Variants in CNTNAP2 observed in about 807,000 individuals in gnomAD.
CNTNAP2 encodes contactin-associated protein-like 2.
A neutral mutation model predicts 155.2 loss-of-function variants in CNTNAP2; 98 were observed. The observed-to-expected ratio is 0.63, with a 90% CI of 0.54 to 0.75. The LOEUF is 0.75. Among genes scored for constraint, CNTNAP2 ranks in the 30% least tolerant of loss-of-function variants. The pLI, the probability that CNTNAP2 is intolerant of heterozygous loss-of-function variation, is 0.00. For missense variants in CNTNAP2, 1,727 were observed against 1,688.1 expected (o/e 1.02, Z -0.40); for synonymous variants, 651 against 631.2 (o/e 1.03, Z -0.47).
intron 1 of CNTNAP2, among the ~76,000 whole-genome samples, chr7:146,288,147 A>T (rs891411373): frequency 1.3e-5 from 2 of 151,710 alleles, no homozygotes; most frequent in African/African-American, 4.8e-5. Flanking sequence ...AAAATTAAAA[A>T]ATTAGCCAGT....
chr7:147,650,944 T>A (rs1051660790), intron 13 of CNTNAP2, among the ~76,000 whole-genome samples: 1 of 152,214 alleles, frequency 6.6e-6, no homozygotes, highest in African/African-American at 2.4e-5. Context: ...GAATTCATAA[T>A]GACTTCCAAA....
chr7:146,352,275 C>T (rs892600991), intron 1 of CNTNAP2, among the ~76,000 whole-genome samples: 1 of 152,096 alleles, frequency 6.6e-6, no homozygotes, highest in Non-Finnish European at 1.5e-5. Context: ...AAAATAATTA[C>T]ATAAAACAAT....
At chr7:147,374,795 G>A (rs759245695) in intron 9 of CNTNAP2, among the ~76,000 whole-genome samples, 1 of 151,840 alleles carries the variant, frequency 6.6e-6, no homozygotes, top group African/African-American at 2.4e-5. Flanking sequence ...AAATATTTTT[G>A]TCACGTCATT....
chr7:148,177,256 T>C lies in CNTNAP2; in HGVS notation c.3010+4778T>C, dbSNP rs541433171. 4.6e-5 allele frequency among the ~76,000 whole-genome samples: 7 copies of C among 152,220 alleles called. No homozygotes were observed. In the South Asian group the frequency reaches 1.2e-3, roughly 27 times the overall value. ...TGATTATGGTAAGTTGAGGTCATAC[T>C]AGGAGGTTGGCCCTAAATCCAATGA... On this transcript the variant is annotated intron_variant, in intron 18 of 23. Transcript: ENST00000361727.
intron 15 of CNTNAP2, among the ~76,000 whole-genome samples, chr7:147,980,071 T>C (rs982852219): frequency 6.6e-6 from 1 of 152,234 alleles, no homozygotes; most frequent in African/African-American, 2.4e-5. Context: ...GAGGCTGTCA[T>C]TCATCTAGAA....
At chr7:148,241,304 CA>C (rs1047439812) in intron 20 of CNTNAP2, among the ~76,000 whole-genome samples, 1 of 152,112 alleles carries the variant, frequency 6.6e-6, no homozygotes, top group African/African-American at 2.4e-5. Flanking sequence ...TTCTTAAAAG[CA>C]AAAAATAAAA....
At chr7:147,380,878 A>G (rs1330248944) in intron 9 of CNTNAP2, among the ~76,000 whole-genome samples, 1 of 152,122 alleles carries the variant, frequency 6.6e-6, no homozygotes, top group Non-Finnish European at 1.5e-5. Context: ...CAATGATACT[A>G]ATTTTTTTAA....
chr7:148,375,459 A>G (rs910021140), intron 21 of CNTNAP2, among the ~76,000 whole-genome samples: 1 of 150,440 alleles, frequency 6.6e-6, no homozygotes, highest in African/African-American at 2.4e-5. Flanking sequence ...TCCCAGGTTC[A>G]AGTGATTCTC....
chr7:146,983,720 T>A (rs1461754823), intron 3 of CNTNAP2, among the ~76,000 whole-genome samples: 1 of 152,206 alleles, frequency 6.6e-6, no homozygotes, highest in Admixed American at 6.5e-5. Flanking sequence ...ACGGTACAGA[T>A]ATCTTCATTG....
Position 148,396,119 on chromosome 7 carries a change from G to A in CNTNAP2, c.3715+12231G>A, listed in dbSNP as rs138812660. Among the ~76,000 whole-genome samples the A allele has an allele frequency of 4.6e-5, 7 of 152,218 alleles. No individual in the cohort carries two copies. In the East Asian group the frequency reaches 1.4e-3, roughly 29 times the overall value. On this transcript the variant is annotated intron_variant, in intron 22 of 23. Coordinates refer to ENST00000361727, the MANE Select transcript of CNTNAP2 (RefSeq NM_014141.6). ...GTGTCACGTGGGGCTGGCTAAGTGCGGGGCAACGCGGTTGTACATGTTGCC... is the reference window on the plus strand; with the variant it reads ...GTGTCACGTGGGGCTGGCTAAGTGCAGGGCAACGCGGTTGTACATGTTGCC...
intron 1 of CNTNAP2, among the ~76,000 whole-genome samples, chr7:146,652,041 G>T (rs1799923332): frequency 6.6e-6 from 1 of 151,984 alleles, no homozygotes. Flanking sequence ...AGGTGAAAAA[G>T]TATAACAATT....
chr7:146,699,739 G>A lies in CNTNAP2; in HGVS notation c.98-74532G>A, dbSNP rs146188198. ...TCCCAGCACTTTGGGAGGCCGAGGT[G>A]GGAGGATCATCTGAAATCAGGAATT... On this transcript the variant is annotated intron_variant, in intron 1 of 23. Coordinates refer to ENST00000361727, the MANE Select transcript of CNTNAP2 (RefSeq NM_014141.6). 2.6e-3 allele frequency among the ~76,000 whole-genome samples: 391 copies of A among 152,162 alleles called. 1 individual carries two copies. Among genetic ancestry groups the A allele is most frequent in the African/African-American group, 8.9e-3 (371 of 41,528 alleles).
intron 15 of CNTNAP2, among the ~76,000 whole-genome samples, chr7:148,090,551 A>T (rs1010815887): frequency 9.2e-5 from 14 of 152,106 alleles, no homozygotes; most frequent in African/African-American, 3.1e-4. Flanking sequence ...ACCATAAGAT[A>T]CCACCTCAAA....
intron 8 of CNTNAP2, among the ~76,000 whole-genome samples, chr7:147,206,464 G>C (rs984824247): frequency 3.3e-5 from 5 of 152,086 alleles, no homozygotes; most frequent in African/African-American, 1.2e-4. Flanking sequence ...TCAGGTGGCT[G>C]AGGCACGAGA....
intron 3 of CNTNAP2, among the ~76,000 whole-genome samples, chr7:146,933,818 C>T (rs1458461313): frequency 5.9e-5 from 9 of 152,096 alleles, no homozygotes; most frequent in Non-Finnish European, 1.2e-4. Context: ...GACATTTATG[C>T]AGCCAAAAAG....
chr7:148,374,316 T>C (rs1798942920), intron 21 of CNTNAP2, among the ~76,000 whole-genome samples: 1 of 152,188 alleles, frequency 6.6e-6, no homozygotes, highest in South Asian at 2.1e-4. Flanking sequence ...TACTGAATCA[T>C]TCAACTTGAC....
intron 9 of CNTNAP2, among the ~76,000 whole-genome samples, chr7:147,307,120 A>G (rs560069853): frequency 6.6e-6 from 1 of 152,174 alleles, no homozygotes; most frequent in Non-Finnish European, 1.5e-5. Context: ...AAATATTACA[A>G]AGTGTTCCCA....
chr7:146,841,854 A>AGGAGGATAAAATTGTTCAGCTTGTCTT (rs1380405757), intron 3 of CNTNAP2, among the ~76,000 whole-genome samples: 9 of 151,826 alleles, frequency 5.9e-5, no homozygotes, highest in Non-Finnish European at 8.8e-5. Context: ...AAAAAGGCTA[A>AGGAGGATAAAATTGTTCAGCTTGTCTT]GGAGGATAAA....
chr7:147,941,828 C>A (rs1800727471), intron 14 of CNTNAP2, among the ~76,000 whole-genome samples: 1 of 152,176 alleles, frequency 6.6e-6, no homozygotes, highest in African/African-American at 2.4e-5. Context: ...AACCGTCACT[C>A]TTTCCTGGGT....
Sources: gnomAD v4.1 joint callset for allele counts (sites outside exome capture counted in the v4.1 genomes callset) on GRCh38, gnomAD v4.1.1 for gene constraint, MANE v1.5 for transcripts, NCBI Gene and HGNC (gene_info 2026-07-23, HGNC 2026-07-21) for gene names.